RSRC1: variants seen among roughly 807,000 people sequenced by gnomAD.
RSRC1 encodes arginine and serine rich coiled-coil 1.
A neutral mutation model predicts 49.1 loss-of-function variants in RSRC1; 39 were observed. That is an observed-to-expected ratio of 0.79 (90% CI 0.61 to 1.04). The LOEUF (loss-of-function observed/expected upper bound fraction) is 1.04, where lower values mean the gene tolerates loss of function less well. Ranked by LOEUF, RSRC1 falls within the 50% of genes least tolerant of loss-of-function variation. RSRC1 has a pLI of 0.00. For missense variants in RSRC1, 388 were observed against 402.4 expected (o/e 0.96, Z 0.31); for synonymous variants, 143 against 130.8 (o/e 1.09, Z -0.63).
At chr3:158,469,026 G>A (rs1486102018) in intron 7 of RSRC1, among the ~76,000 whole-genome samples, 1 of 152,000 alleles carries the variant, frequency 6.6e-6, no homozygotes, top group African/African-American at 2.4e-5. Context: ...CTCACTTCTT[G>A]TGTGTCCATT....
intron 6 of RSRC1, among the ~76,000 whole-genome samples, chr3:158,375,187 T>G (rs867718598): frequency 1.1e-5 from 1 of 94,478 alleles, no homozygotes. Context: ...ATTATTATTA[T>G]TATTATTATT....
At chr3:158,278,177 G>A (rs1404019010) in intron 4 of RSRC1, among the ~76,000 whole-genome samples, 1 of 152,188 alleles carries the variant, frequency 6.6e-6, no homozygotes, top group African/African-American at 2.4e-5. Flanking sequence ...CAACGGACAA[G>A]TCCACAAGAG....
chr3:158,392,906 C>G (rs1733398089), intron 6 of RSRC1, among the ~76,000 whole-genome samples: 1 of 152,046 alleles, frequency 6.6e-6, no homozygotes, highest in Non-Finnish European at 1.5e-5. Context: ...GGCACATACT[C>G]TAAAATTGAC....
At chr3:158,215,225 T>C (rs1474320023) in intron 4 of RSRC1, among the ~76,000 whole-genome samples, 1 of 151,798 alleles carries the variant, frequency 6.6e-6, no homozygotes, top group African/African-American at 2.4e-5. Flanking sequence ...GTATATCTTT[T>C]TCCATCTTCC....
intron 3 of RSRC1, among the ~76,000 whole-genome samples, chr3:158,166,491 C>T (rs569143693): frequency 4.7e-4 from 72 of 152,172 alleles, no homozygotes; most frequent in African/African-American, 1.6e-3. Flanking sequence ...GTCAATTATG[C>T]CCTTTTGTTA....
At chr3:158,532,149 A>G (rs529937426) in intron 7 of RSRC1, among the ~76,000 whole-genome samples, 1 of 152,036 alleles carries the variant, frequency 6.6e-6, no homozygotes, top group African/African-American at 2.4e-5. Context: ...CTGGAATAGT[A>G]ACATAAGTAA....
chr3:158,305,743 C>T (rs1172025566), intron 5 of RSRC1, among the ~76,000 whole-genome samples: 4 of 152,028 alleles, frequency 2.6e-5, no homozygotes, highest in African/African-American at 7.2e-5. Flanking sequence ...ATAATAGCAT[C>T]GGTATTTAAT....
At chr3:158,124,995 T>C (rs1280796951) in intron 3 of RSRC1, among the ~76,000 whole-genome samples, 2 of 152,046 alleles carry the variant, frequency 1.3e-5, no homozygotes, top group East Asian at 1.9e-4. Flanking sequence ...TTTTAAAATA[T>C]GTTTTGTAGA....
chr3:158,406,200 A>G (rs1289633969), intron 6 of RSRC1, among the ~76,000 whole-genome samples: 1 of 152,130 alleles, frequency 6.6e-6, no homozygotes, highest in African/African-American at 2.4e-5. Context: ...TAAGCTTATT[A>G]TAAAATTATT....
At chr3:158,434,515 A>G (rs1735940470) in intron 6 of RSRC1, among the ~76,000 whole-genome samples, 2 of 152,052 alleles carry the variant, frequency 1.3e-5, no homozygotes, top group Admixed American at 1.3e-4. Flanking sequence ...AATTCTACAA[A>G]CACCGATATT....
In RSRC1 at chr3:158,280,356, A is replaced by G. The variant is rs758135997; in HGVS notation, c.495-17683A>G. ...ACTTCTGAAATATTTTTCATATCAC[A>G]TATTTACTAATTAATTAAACTATTA... On this transcript the variant is annotated intron_variant, in intron 4 of 9. Transcript: ENST00000611884. Among the ~76,000 whole-genome samples the G allele has an allele frequency of 5.3e-5, 8 of 152,096 alleles. No individual in the cohort carries two copies. In the East Asian group the frequency reaches 1.5e-3, roughly 29 times the overall value.
At chr3:158,155,429 A>ATATTT (rs1332103110) in intron 3 of RSRC1, among the ~76,000 whole-genome samples, 3 of 151,914 alleles carry the variant, frequency 2.0e-5, no homozygotes, top group South Asian at 4.2e-4. Context: ...TCAGTGAACT[A>ATATTT]TATTTTATTT....
At chr3:158,516,399 T>G (rs1740537204) in intron 7 of RSRC1, among the ~76,000 whole-genome samples, 2 of 152,080 alleles carry the variant, frequency 1.3e-5, no homozygotes. Context: ...GCCTCCCAGT[T>G]AGGCTGCTCG....
At chr3:158,157,053 C>T (rs1717920351) in intron 3 of RSRC1, among the ~76,000 whole-genome samples, 1 of 152,144 alleles carries the variant, frequency 6.6e-6, no homozygotes, top group Non-Finnish European at 1.5e-5. Context: ...TATGCCTGTA[C>T]GTTATTTAGC....
intron 6 of RSRC1, among the ~76,000 whole-genome samples, chr3:158,451,296 T>C (rs1164365200): frequency 1.3e-5 from 2 of 151,962 alleles, no homozygotes; most frequent in African/African-American, 2.4e-5. Context: ...GATGGCCTGA[T>C]AGATTTGGAA....
At chr3:158,543,153 A>G (rs1713134326) in intron 8 of RSRC1, among the ~76,000 whole-genome samples, 182 bp from the exon 9 acceptor site, 1 of 152,128 alleles carries the variant, frequency 6.6e-6, no homozygotes, top group South Asian at 2.1e-4. Context: ...TAAACAAACA[A>G]ATATAAAAAT....
At chr3:158,330,738 C>T (rs149011964) in intron 5 of RSRC1, among the ~76,000 whole-genome samples, 4 of 152,162 alleles carry the variant, frequency 2.6e-5, no homozygotes, top group African/African-American at 7.2e-5. Flanking sequence ...AGTATGAGTA[C>T]TTGAAGGGCT....
chr3:158,494,689 C>A (rs1389572643), intron 7 of RSRC1, among the ~76,000 whole-genome samples: 1 of 152,072 alleles, frequency 6.6e-6, no homozygotes, highest in Non-Finnish European at 1.5e-5. Flanking sequence ...CCTCTATTTG[C>A]AGTTTTTTTT....
At chr3:158,310,637 T>G (rs978732253) in intron 5 of RSRC1, among the ~76,000 whole-genome samples, 6 of 151,786 alleles carry the variant, frequency 4.0e-5, no homozygotes, top group Non-Finnish European at 8.9e-5. Flanking sequence ...TCTGAGAGTT[T>G]GATAAATTTA....
Sources: allele counts gnomAD v4.1 joint callset (sites outside exome capture counted in the v4.1 genomes callset), GRCh38; gene constraint gnomAD v4.1.1; transcripts MANE v1.5; gene names NCBI Gene and HGNC (gene_info 2026-07-23, HGNC 2026-07-21).